The following HPSE2 variants were observed in gnomAD, a reference collection of about 807,000 sequenced individuals.
The protein encoded by HPSE2 is heparanase 2 (inactive).
Under a neutral mutation model 60.5 loss-of-function variants are expected in HPSE2, and 38 were observed. That is an observed-to-expected ratio of 0.63 (90% confidence interval 0.48 to 0.82). The LOEUF (loss-of-function observed/expected upper bound fraction) is 0.82. Ranked by LOEUF, HPSE2 falls within the 40% of genes least tolerant of loss-of-function variation. The pLI, the probability that HPSE2 is intolerant of heterozygous loss-of-function variation, is 0.00. For missense variants in HPSE2, 713 were observed against 740.4 expected (o/e 0.96, Z 0.43); for synonymous variants, 295 against 293.2 (o/e 1.01, Z -0.06).
At chr10:99,264,594 G>A in the HPSE2 span, among the ~76,000 whole-genome samples, 13 of 152,066 alleles carry the variant, frequency 8.5e-5, no homozygotes, top group African/African-American at 1.4e-4. Flanking sequence ...CCAAAAACTC[G>A]CTAACCAAGC....
chr10:99,100,729 G>C (rs1589655796), intron 3 of HPSE2, among the ~76,000 whole-genome samples: 1 of 152,120 alleles, frequency 6.6e-6, no homozygotes, highest in South Asian at 2.1e-4. Context: ...AAAATGTTAA[G>C]GGCAGCCAGA....
chr10:98,810,106 C>G (rs753803964), intron 3 of HPSE2, among the ~76,000 whole-genome samples: 1 of 152,116 alleles, frequency 6.6e-6, no homozygotes, highest in Non-Finnish European at 1.5e-5. Context: ...TGCTTTTGTA[C>G]TGCTGATTTT....
chr10:98,886,420 A>ATC (rs1360959064), intron 3 of HPSE2, among the ~76,000 whole-genome samples: 1 of 152,152 alleles, frequency 6.6e-6, no homozygotes, highest in East Asian at 1.9e-4. Flanking sequence ...TTTACAGTGC[A>ATC]TCTATTATGT....
At chr10:99,220,923 C>T (rs560506643) in intron 2 of HPSE2, among the ~76,000 whole-genome samples, 1 of 139,362 alleles carries the variant, frequency 7.2e-6, no homozygotes, top group East Asian at 2.3e-4. Context: ...CAGCTCACTA[C>T]AACCTCCACC....
chr10:98,605,738 C>G (rs112071836), intron 9 of HPSE2, among the ~76,000 whole-genome samples: 58 of 152,314 alleles, frequency 3.8e-4, no homozygotes, highest in African/African-American at 1.3e-3. Flanking sequence ...GCATCAGGTG[C>G]AGGGAGCTTG....
chr10:98,556,073 A>G (rs1029004346), intron 9 of HPSE2, among the ~76,000 whole-genome samples: 1 of 152,174 alleles, frequency 6.6e-6, no homozygotes, highest in Non-Finnish European at 1.5e-5. Flanking sequence ...TATTATTATT[A>G]TTATTAATTG....
chr10:99,194,527 A>T (rs923394075), intron 2 of HPSE2, among the ~76,000 whole-genome samples: 17 of 142,648 alleles, frequency 1.2e-4, no homozygotes, highest in African/African-American at 1.0e-4. Flanking sequence ...TAGCCAGATT[A>T]AAAAAAAAAC....
the HPSE2 span, among the ~76,000 whole-genome samples, chr10:99,258,900 T>C: frequency 2.9e-3 from 442 of 152,314 alleles, 10 homozygotes; most frequent in Non-Finnish European, 4.3e-4. Flanking sequence ...AACCTAAAAC[T>C]ATAGAGCTTT....
chr10:98,631,001 C>T (rs900621835), intron 7 of HPSE2, among the ~76,000 whole-genome samples: 4 of 152,200 alleles, frequency 2.6e-5, no homozygotes. Context: ...CTATTCTGAG[C>T]TCAGTCATTC....
intron 3 of HPSE2, among the ~76,000 whole-genome samples, chr10:98,772,357 C>G (rs754932663): frequency 8.5e-5 from 13 of 152,106 alleles, no homozygotes; most frequent in East Asian, 1.9e-4. Flanking sequence ...TTGCCCCAAT[C>G]AAGAGTCCTG....
At chr10:98,644,448 G>T (rs1047266779) in intron 6 of HPSE2, among the ~76,000 whole-genome samples, 1 of 152,168 alleles carries the variant, frequency 6.6e-6, no homozygotes, top group Admixed American at 6.5e-5. Flanking sequence ...AAGAACAGAT[G>T]CTGGATTCCC....
At chr10:99,160,416 G>A (rs1313100426) in intron 2 of HPSE2, among the ~76,000 whole-genome samples, 1 of 152,016 alleles carries the variant, frequency 6.6e-6, no homozygotes, top group African/African-American at 2.4e-5. Context: ...CCAGAAAACC[G>A]ACAATACCAA....
At chr10:98,996,150 T>C (rs937530082) in intron 3 of HPSE2, among the ~76,000 whole-genome samples, 11 of 152,172 alleles carry the variant, frequency 7.2e-5, no homozygotes, top group African/African-American at 2.7e-4. Context: ...AATGATATTA[T>C]AACAATTATA....
At chr10:98,602,046 G>C (rs2133945013) in intron 9 of HPSE2, among the ~76,000 whole-genome samples, 1 of 152,232 alleles carries the variant, frequency 6.6e-6, no homozygotes, top group East Asian at 1.9e-4. Flanking sequence ...GGTCGGGTTG[G>C]GGATATAAGT....
intron 3 of HPSE2, among the ~76,000 whole-genome samples, chr10:98,891,719 G>A (rs1280702539): frequency 6.6e-6 from 1 of 152,070 alleles, no homozygotes; most frequent in African/African-American, 2.4e-5. Flanking sequence ...GCCCCTCAAA[G>A]CATTGAGATT....
chr10:99,253,487 T>C, the HPSE2 span, among the ~76,000 whole-genome samples: 1 of 151,974 alleles, frequency 6.6e-6, no homozygotes, highest in African/African-American at 2.4e-5. Flanking sequence ...AAAAAATTAA[T>C]TCAATTTATA....
At chr10:98,470,474 C>T (rs1940733631) in intron 11 of HPSE2, among the ~76,000 whole-genome samples, 1 of 152,206 alleles carries the variant, frequency 6.6e-6, no homozygotes, top group African/African-American at 2.4e-5. Flanking sequence ...CCCTGGGCTT[C>T]CTGATGCTTA....
At chr10:99,132,856 C>T (rs988973038) in intron 3 of HPSE2, among the ~76,000 whole-genome samples, 2 of 152,266 alleles carry the variant, frequency 1.3e-5, no homozygotes, top group East Asian at 1.9e-4. Context: ...TTTTTCCATA[C>T]CCCAATGGTG....
intron 9 of HPSE2, among the ~76,000 whole-genome samples, chr10:98,572,805 C>T (rs1297321226): frequency 3.3e-5 from 5 of 152,196 alleles, no homozygotes; most frequent in Admixed American, 6.5e-5. Context: ...ACTCAGATGC[C>T]TCAGGTGGTA....
Sources: allele counts gnomAD v4.1 joint callset (sites outside exome capture counted in the v4.1 genomes callset), GRCh38; gene constraint gnomAD v4.1.1; transcripts MANE v1.5; gene names NCBI Gene and HGNC (gene_info 2026-07-23, HGNC 2026-07-21).